Variants in SBK1 observed in about 807,000 individuals in gnomAD.
The protein encoded by SBK1 is SH3 domain binding kinase 1.
Under a neutral mutation model 24.4 loss-of-function variants are expected in SBK1, and 11 were observed. That is an observed-to-expected ratio of 0.45 (90% CI 0.28 to 0.75). SBK1 has a LOEUF of 0.75. Ranked by LOEUF, SBK1 falls within the 30% of genes least tolerant of loss-of-function variation. The pLI is 0.12. For synonymous variants in SBK1, 308 were observed against 284.4 expected (o/e 1.08, Z -0.83); for missense variants, 467 against 620.5 (o/e 0.75, Z 2.63).
chr16:28,306,642 G>C (rs1267275243), intron 1 of SBK1, among the ~76,000 whole-genome samples: 1 of 152,194 alleles, frequency 6.6e-6, no homozygotes, highest in Non-Finnish European at 1.5e-5. Context: ...AGGGATCTGG[G>C]CGGCTTCCTA....
In SBK1 at chr16:28,320,502, G is replaced by A; in HGVS notation, c.856G>A (p.Glu286Lys). The change falls in exon 4 of 4, where the codon GAG becomes AAG. Residue 286 changes from glutamate (E) to lysine (K), a missense_variant. Transcript: ENST00000341901. The surrounding 1 kb of genome is among the most constrained non-coding windows in gnomAD (Gnocchi z 8.5). ...GCCTTCGCAGTGGCGCCGCTTCACC[G>A]AGCCCGCGCTGCGCATGTTCCAGCG... The part of the protein sequence containing the change: ...GLPSQWRRFT[E>K]PALRMFQRLL... 1 of 1,570,754 alleles carries A rather than the reference G, an allele frequency of 6.4e-7. No homozygotes were observed.
At chr16:28,297,624 A>G (rs899738790) in intron 1 of SBK1, among the ~76,000 whole-genome samples, 1 of 152,176 alleles carries the variant, frequency 6.6e-6, no homozygotes, top group Non-Finnish European at 1.5e-5. Context: ...CCTCATCTAT[A>G]AAAGAGGGAT....
chr16:28,280,171 G>GTGTGTGTGTGTGTA lies in SBK1; in HGVS notation c.257+20670_257+20671insGTGTGTGTGTGTAT, dbSNP rs1247488558. 8.3e-4 allele frequency among the ~76,000 whole-genome samples: 91 copies of GTGTGTGTGTGTGTA among 109,554 alleles called. 3 individuals are homozygous for GTGTGTGTGTGTGTA. The highest frequency in any genetic ancestry group is 6.8e-3 in the South Asian group (20 of 2,946). 71.9% of individuals were successfully genotyped at this position (109,554 alleles called of 152,430 possible). On this transcript the variant is annotated intron_variant, in intron 1 of 3. Transcript: ENST00000671413. ...TATATGTGTGTGTGTGTGTGTGTGTGTATGTATATATACATATATATGTAC... is the reference window on the plus strand; with the variant it reads ...TATATGTGTGTGTGTGTGTGTGTGTGTGTGTGTGTGTGTATATGTATATATACATATATATGTAC...
At chr16:28,288,061 G>A (rs1199044465), upstream of SBK1, among the ~76,000 whole-genome samples, 2 of 152,166 alleles carry the variant, frequency 1.3e-5, no homozygotes, top group African/African-American at 2.4e-5. Context: ...GGGAGGAAGA[G>A]GAAGCTGGGA....
intron 1 of SBK1, among the ~76,000 whole-genome samples, chr16:28,295,814 TA>T (rs2044634976): frequency 1.3e-5 from 2 of 152,140 alleles, no homozygotes; most frequent in Admixed American, 1.3e-4. Context: ...CCACCTTCTT[TA>T]GACAGGGCCC....
chr16:28,271,009 G>A (rs28832584), intron 1 of SBK1, among the ~76,000 whole-genome samples: 6,119 of 151,734 alleles, frequency 0.04, 403 homozygotes, highest in African/African-American at 0.14. Context: ...GACTACAGGC[G>A]CCCGCCACCA....
chr16:28,311,181 C>T (rs1298862583), intron 1 of SBK1, among the ~76,000 whole-genome samples: 2 of 152,124 alleles, frequency 1.3e-5, no homozygotes, highest in Admixed American at 6.5e-5. Flanking sequence ...CCGATCCAGC[C>T]CCTGCCCCTG....
At chr16:28,302,827 A>G (rs963323029) in intron 1 of SBK1, among the ~76,000 whole-genome samples, 2 of 152,228 alleles carry the variant, frequency 1.3e-5, no homozygotes, top group Admixed American at 6.5e-5. Flanking sequence ...AAGACCAGAC[A>G]GCAAAATTCC....
In SBK1 at chr16:28,319,550, C is replaced by T. The variant is rs778192977; in HGVS notation, c.429+353C>T. Among the ~76,000 whole-genome samples the T allele has an allele frequency of 2.0e-5, 3 of 152,066 alleles. No homozygotes were observed. Among genetic ancestry groups the T allele is most frequent in the Admixed American group, 1.3e-4 (2 of 15,266 alleles). Reference sequence around the variant, plus strand: ...AGAGGAAGCGACCCTGGAACCGGGACGGTGGGGGAGGGTTCCAGGCACTAG... The same window carrying T: ...AGAGGAAGCGACCCTGGAACCGGGATGGTGGGGGAGGGTTCCAGGCACTAG... On this transcript the variant is annotated intron_variant, in intron 3 of 3. Coordinates refer to ENST00000341901, the MANE Select transcript of SBK1 (RefSeq NM_001024401.3). The surrounding 1 kb of genome is among the most constrained non-coding windows in gnomAD (Gnocchi z 4.0).
Position 28,292,593 on chromosome 16 carries a change from C to G in SBK1, c.-715C>G, listed in dbSNP as rs2044608132. ...GCCCGAGCGCCAGGCGGAGCGCGAG[C>G]TGGAGCCGCAGCCGGAGCCCGGGCC... On this transcript the variant is annotated 5_prime_UTR_variant, in exon 1 of 4. Coordinates refer to ENST00000341901, the MANE Select transcript of SBK1 (RefSeq NM_001024401.3). 2.0e-6 allele frequency: 2 copies of G among 980,000 alleles called. No homozygotes were observed. The highest frequency in any genetic ancestry group is 1.2e-6 in the Non-Finnish European group (1 of 827,526). The allele number at this position is 980,000 out of a possible 1,614,324, so 60.7% of individuals were successfully genotyped here.
At chr16:28,305,537 CTT>C (rs771013330) in intron 1 of SBK1, among the ~76,000 whole-genome samples, 23 of 126,386 alleles carry the variant, frequency 1.8e-4, no homozygotes, top group Admixed American at 1.6e-4. Context: ...TTCTTTGTTT[CTT>C]TTTTTTTTTT....
intron 1 of SBK1, among the ~76,000 whole-genome samples, chr16:28,298,257 C>T (rs1054957419): frequency 1.3e-5 from 2 of 152,244 alleles, no homozygotes; most frequent in African/African-American, 2.4e-5. Flanking sequence ...ACAGGTCCAG[C>T]TCAGCCCCAC....
chr16:28,260,929 CA>C (rs1328913802), intron 1 of SBK1, among the ~76,000 whole-genome samples: 1 of 152,132 alleles, frequency 6.6e-6, no homozygotes, highest in Non-Finnish European at 1.5e-5. Context: ...AGTGCCTTCC[CA>C]GGGGTGAGAG....
At chr16:28,289,784 C>A (rs1469893992), upstream of SBK1, among the ~76,000 whole-genome samples, 404 of 143,458 alleles carry the variant, frequency 2.8e-3, 4 homozygotes, top group East Asian at 0.031. Flanking sequence ...AAAAAAAAAA[C>A]AAAAACAAAC....
intron 1 of SBK1, among the ~76,000 whole-genome samples, chr16:28,306,261 G>A (rs2044716009): frequency 6.6e-6 from 1 of 152,194 alleles, no homozygotes; most frequent in African/African-American, 2.4e-5. Flanking sequence ...GAAGGGGAGA[G>A]CCCGCTTGAG....
chr16:28,293,147 C>G lies in SBK1; in HGVS notation c.-161C>G, dbSNP rs373304445. 6.2e-4 allele frequency: 610 copies of G among 985,744 alleles called. No individual in the cohort carries two copies. The highest frequency in any genetic ancestry group is 3.1e-3 in the Middle Eastern group (6 of 1,914). The allele number at this position is 985,744 out of a possible 1,614,324, so 61.1% of individuals were successfully genotyped here. On this transcript the variant is annotated 5_prime_UTR_variant, in exon 1 of 4. Coordinates refer to ENST00000341901, the MANE Select transcript of SBK1 (RefSeq NM_001024401.3). Reference sequence around the variant, plus strand: ...AGCAAGAAGCCTCGGGGATCCCCCCCCTAAAGCTCCAGGACTTGGGCGACT... The same window carrying G: ...AGCAAGAAGCCTCGGGGATCCCCCCGCTAAAGCTCCAGGACTTGGGCGACT...
chr16:28,282,731 C>T lies in SBK1; in HGVS notation c.257+23229C>T, dbSNP rs146920415. Among the ~76,000 whole-genome samples the T allele has an allele frequency of 3.0e-3, 463 of 152,200 alleles. 2 individuals are homozygous for T. Among genetic ancestry groups the T allele is most frequent in the African/African-American group, 0.011 (444 of 41,526 alleles). On this transcript the variant is annotated intron_variant, in intron 1 of 3. Coordinates refer to the SBK1 transcript ENST00000671413. ...CCCAGGCAGCTGTGAACCCACCAAGCCCCTCACATGGCTCCAAGAATAACC... is the reference window on the plus strand; with the variant it reads ...CCCAGGCAGCTGTGAACCCACCAAGTCCCTCACATGGCTCCAAGAATAACC...
At chr16:28,303,121 G>A (rs903818863) in intron 1 of SBK1, among the ~76,000 whole-genome samples, 1 of 151,534 alleles carries the variant, frequency 6.6e-6, no homozygotes, top group Non-Finnish European at 1.5e-5. Flanking sequence ...GGAACAGTGG[G>A]GGGACCAGCG....
At chr16:28,313,299 AAATTT>A (rs1430114938) in intron 1 of SBK1, among the ~76,000 whole-genome samples, 1 of 151,532 alleles carries the variant, frequency 6.6e-6, no homozygotes, top group Non-Finnish European at 1.5e-5. Context: ...TGTTTAAAAA[AAATTT>A]AATTTAATTT....
Sources: gnomAD v4.1 joint callset for allele counts (sites outside exome capture counted in the v4.1 genomes callset) on GRCh38, gnomAD v4.1.1 for gene constraint, Gnocchi (gnomAD v3.1) non-coding constraint, MANE v1.5 for transcripts, NCBI Gene and HGNC (gene_info 2026-07-23, HGNC 2026-07-21) for gene names.